Variants in VAMP4 observed in about 807,000 individuals in gnomAD.
The protein encoded by VAMP4 is vesicle-associated membrane protein 4.
VAMP4 carries 19 observed loss-of-function variants against 23.5 expected under a neutral mutation model. The ratio of observed to expected loss-of-function variants is 0.81; its 90% CI spans 0.56 to 1.19. VAMP4 has a LOEUF of 1.19. VAMP4 is among the 50% of genes most tolerant of loss of function. The probability of loss-of-function intolerance (pLI) is 0.00; values close to 1 mark genes in which losing one functional copy is unlikely to be tolerated. For missense variants in VAMP4, 145 were observed against 168.6 expected, an observed-to-expected ratio of 0.86 and a Z score of 0.78; for synonymous variants, 31 against 51.0, an observed-to-expected ratio of 0.61 and a Z score of 1.67.
At chr1:171,737,099 A>C (rs1443901210) in intron 2 of VAMP4, among the ~76,000 whole-genome samples, 1 of 152,252 alleles carries the variant, frequency 6.6e-6, no homozygotes, top group East Asian at 1.9e-4. Flanking sequence ...AAAAGTCATA[A>C]GATGGTGGAC....
chr1:171,737,855 A>C (rs1655792481), intron 2 of VAMP4, among the ~76,000 whole-genome samples: 1 of 152,258 alleles, frequency 6.6e-6, no homozygotes, highest in South Asian at 2.1e-4. Context: ...TTGATCAATA[A>C]TGGAAGTAGA....
intron 3 of VAMP4, among the ~76,000 whole-genome samples, chr1:171,726,763 T>C (rs538971932): frequency 1.8e-4 from 28 of 152,168 alleles, no homozygotes; most frequent in African/African-American, 5.5e-4. Context: ...AAAGATTTCT[T>C]ATATATGAAA....
intron 3 of VAMP4, among the ~76,000 whole-genome samples, chr1:171,722,113 C>A (rs1309578906): frequency 6.6e-6 from 1 of 152,090 alleles, no homozygotes; most frequent in Non-Finnish European, 1.5e-5. Context: ...CATCTACAAC[C>A]ATCTGATCTT....
intron 4 of VAMP4, among the ~76,000 whole-genome samples, chr1:171,715,317 TG>T (rs1335978731): frequency 6.6e-6 from 1 of 152,180 alleles, no homozygotes; most frequent in Non-Finnish European, 1.5e-5. Context: ...GAGAACACAA[TG>T]AGGAAAAGAC....
At chr1:171,723,214 C>A (rs1391485867) in intron 3 of VAMP4, among the ~76,000 whole-genome samples, 2 of 152,136 alleles carry the variant, frequency 1.3e-5, no homozygotes, top group African/African-American at 4.8e-5. Flanking sequence ...GGGGGCAGAG[C>A]AAGATCACAC....
At position 171,701,058 on chromosome 1, in the gene VAMP4, C is replaced by G. The variant is rs972170975; in HGVS notation, c.*3448G>C. ...CCTACATCAATCTAAAGCATTTAGA[C>G]AAATGCATTTTTAGACAAAAGCATT... On this transcript the variant is annotated 3_prime_UTR_variant, in exon 8 of 8. Transcript: ENST00000236192. The G allele has an allele frequency of 1.3e-5, 2 of 151,992 alleles. No homozygotes were observed. The highest frequency in any genetic ancestry group is 2.9e-5 in the Non-Finnish European group (2 of 68,006). The allele number at this position is 151,992 out of a possible 1,614,324, so 9.4% of individuals were successfully genotyped here. A position where few individuals can be genotyped will look rare whatever the true frequency, so the allele number is the denominator to read the frequency against.
chr1:171,705,108 T>C (rs72717895), intron 7 of VAMP4, among the ~76,000 whole-genome samples: 9,052 of 152,124 alleles, frequency 0.06, 386 homozygotes, highest in East Asian at 0.26. Flanking sequence ...CTAGGGAAAA[T>C]ATAGGGTTAA....
At chr1:171,719,861 C>T (rs1655134121) in intron 3 of VAMP4, among the ~76,000 whole-genome samples, 1 of 151,824 alleles carries the variant, frequency 6.6e-6, no homozygotes, top group Admixed American at 6.6e-5. Flanking sequence ...TTTTAATATT[C>T]TTGAAATGAA....
chr1:171,712,574 T>G (rs1452662445), intron 4 of VAMP4, among the ~76,000 whole-genome samples: 2 of 152,170 alleles, frequency 1.3e-5, no homozygotes, highest in Non-Finnish European at 2.9e-5. Flanking sequence ...CAGAGTTCTG[T>G]GCTTCCCACA....
At chr1:171,738,500 T>G in intron 1 of VAMP4, 37 bp from the exon 2 acceptor site, 1 of 1,369,752 alleles carries the variant, frequency 7.3e-7, no homozygotes, top group Non-Finnish European at 1.0e-6. Context: ...ATTTGAGACT[T>G]TGGGGCATAA....
At chr1:171,721,060 T>A (rs946678585) in intron 3 of VAMP4, among the ~76,000 whole-genome samples, 1 of 152,018 alleles carries the variant, frequency 6.6e-6, no homozygotes, top group Non-Finnish European at 1.5e-5. Context: ...AAAATGATCA[T>A]CTCAATAGAT....
intron 5 of VAMP4, among the ~76,000 whole-genome samples, chr1:171,710,080 C>G (rs1183976652): frequency 6.6e-6 from 1 of 151,506 alleles, no homozygotes. Context: ...ATACTTGGCA[C>G]ACCTCTAGAA....
chr1:171,732,623 A>G (rs1341341955), intron 2 of VAMP4, among the ~76,000 whole-genome samples: 1 of 152,158 alleles, frequency 6.6e-6, no homozygotes, highest in Non-Finnish European at 1.5e-5. Context: ...TTTTGAAATG[A>G]AAGACACTGG....
rs144921447 is a variant in VAMP4 at position 171,709,196 on chromosome 1, G to A, written c.345+469C>T. On this transcript the variant is annotated intron_variant, in intron 6 of 7. Coordinates refer to ENST00000236192, the MANE Select transcript of VAMP4 (RefSeq NM_003762.5). ...TTTTTATTTTTCTGGAATAATGAGGGAAGTGGAGTTTTTTCTTAACTCCAT... is the reference window on the plus strand; with the variant it reads ...TTTTTATTTTTCTGGAATAATGAGGAAAGTGGAGTTTTTTCTTAACTCCAT... Among the ~76,000 whole-genome samples, 673 of 152,080 alleles carry A rather than the reference G, an allele frequency of 4.4e-3. 4 individuals carry two copies. Among genetic ancestry groups the A allele is most frequent in the African/African-American group, 0.014 (568 of 41,506 alleles).
At chr1:171,723,714 C>T (rs541641428) in intron 3 of VAMP4, among the ~76,000 whole-genome samples, 180 of 152,166 alleles carry the variant, frequency 1.2e-3, no homozygotes, top group Non-Finnish European at 2.0e-3. Flanking sequence ...GGTCCTGAGG[C>T]GACATACATC....
At chr1:171,736,375 G>A (rs937690979) in intron 2 of VAMP4, among the ~76,000 whole-genome samples, 52 of 152,020 alleles carry the variant, frequency 3.4e-4, no homozygotes, top group African/African-American at 1.1e-3. Flanking sequence ...AGAGCCTTCC[G>A]GGTTCACCCA....
rs750280412 is a variant in VAMP4, at chr1:171,710,857, A to G, written c.165-43T>C. 6 of 1,416,268 alleles carry G rather than the reference A, an allele frequency of 4.2e-6. 1 individual carries two copies. The highest frequency in any genetic ancestry group is 1.8e-4 in the Middle Eastern group (1 of 5,534). The allele number at this position is 1,416,268 out of a possible 1,614,324, so 87.7% of individuals were successfully genotyped here. A position where few individuals can be genotyped will look rare whatever the true frequency, so the allele number is the denominator to read the frequency against. The stretch of plus-strand genomic sequence containing the variant: ...CACAATTATTTATCCTTCTTTTGAG[A>G]ATGCTTACAATTTTTAAAACTTTCA... On this transcript the variant is annotated intron_variant, in intron 4 of 7. Coordinates refer to ENST00000236192, the MANE Select transcript of VAMP4 (RefSeq NM_003762.5).
At chr1:171,710,662 CA>C (rs1170398340) in intron 5 of VAMP4, 51 bp downstream of exon 5, 15 of 1,436,356 alleles carry the variant, frequency 1.0e-5, no homozygotes, top group Non-Finnish European at 3.8e-6. Context: ...AAGTAGAAGA[CA>C]AAAACTAGCA....
At chr1:171,732,064 A>G (rs1655582165) in intron 2 of VAMP4, among the ~76,000 whole-genome samples, 1 of 152,236 alleles carries the variant, frequency 6.6e-6, no homozygotes, top group South Asian at 2.1e-4. Flanking sequence ...GAGATGGAGA[A>G]GCCAAACACA....
Sources: gnomAD v4.1 joint callset for allele counts (sites outside exome capture counted in the v4.1 genomes callset) on GRCh38, gnomAD v4.1.1 for gene constraint, MANE v1.5 for transcripts, NCBI Gene and HGNC (gene_info 2026-07-23, HGNC 2026-07-21) for gene names.